Variants in ATP6V0E1 observed in about 807,000 individuals in gnomAD.
The protein encoded by ATP6V0E1 is ATPase H+ transporting V0 subunit e1.
ATP6V0E1 carries 4 observed loss-of-function variants against 11.6 expected under a neutral mutation model. The ratio of observed to expected loss-of-function variants is 0.35; its 90% CI spans 0.17 to 0.79. ATP6V0E1 has a LOEUF of 0.79. Ranked by LOEUF, ATP6V0E1 falls within the 30% of genes least tolerant of loss-of-function variation. The pLI is 0.54. For synonymous variants in ATP6V0E1, 36 were observed against 34.8 expected (o/e 1.04, Z -0.13); for missense variants, 105 against 100.0 (o/e 1.05, Z -0.21).
intron 3 of ATP6V0E1, among the ~76,000 whole-genome samples, chr5:173,021,478 T>C (rs1215037766): frequency 2.0e-5 from 3 of 152,238 alleles, no homozygotes; most frequent in African/African-American, 4.8e-5. Context: ...ACTTATTCAC[T>C]ACCATGAGAA....
intron 2 of ATP6V0E1, among the ~76,000 whole-genome samples, chr5:173,006,098 G>A (rs1005645194): frequency 6.6e-6 from 1 of 152,088 alleles, no homozygotes; most frequent in Non-Finnish European, 1.5e-5. Context: ...ATCAGGTCAA[G>A]ATGGTTCAAA....
chr5:173,032,224 A>G (rs1481211791), intron 3 of ATP6V0E1, among the ~76,000 whole-genome samples: 1 of 120,860 alleles, frequency 8.3e-6, no homozygotes, highest in Non-Finnish European at 1.7e-5. Context: ...GCCATGTAAC[A>G]TAATGCACAT....
In ATP6V0E1 at chr5:172,990,617, G is replaced by A. The variant is rs533437429; in HGVS notation, c.105-4158G>A. 9.9e-5 allele frequency among the ~76,000 whole-genome samples: 15 copies of A among 151,780 alleles called. No homozygotes were observed. The East Asian group carries it at 2.1e-3, about 22-fold the overall frequency. On this transcript the variant is annotated intron_variant, in intron 1 of 3. Coordinates refer to ENST00000519374, the MANE Select transcript of ATP6V0E1 (RefSeq NM_003945.4). ...GCTGAGGTGGGTGGATCACTTGGTC[G>A]GGAGTTCAAGACCAGCCTGGCCAAC... is the stretch of plus-strand genomic sequence containing the variant.
rs572693726 is a variant in ATP6V0E1 at position 173,009,729 on chromosome 5, G to A, written c.153-10509G>A. Among the ~76,000 whole-genome samples, 20 of 150,238 alleles carry A rather than the reference G, an allele frequency of 1.3e-4. No individual in the cohort carries two copies. In the East Asian group the frequency reaches 3.1e-3, roughly 23 times the overall value. On this transcript the variant is annotated intron_variant, in intron 2 of 3. Coordinates refer to ENST00000519374, the MANE Select transcript of ATP6V0E1 (RefSeq NM_003945.4). ...TCCACCCACCTTGGCCTCCCAAAGTGCTGGGATTACAGGCGTGAGCCACTG... is the reference window on the plus strand; with the variant it reads ...TCCACCCACCTTGGCCTCCCAAAGTACTGGGATTACAGGCGTGAGCCACTG...
intron 2 of ATP6V0E1, among the ~76,000 whole-genome samples, chr5:173,018,393 A>G (rs1166344280): frequency 6.6e-6 from 1 of 152,146 alleles, no homozygotes; most frequent in Non-Finnish European, 1.5e-5. Flanking sequence ...CTGCTGTCTC[A>G]GGTGTGGTAG....
At chr5:173,001,231 C>A (rs1249078675) in intron 2 of ATP6V0E1, among the ~76,000 whole-genome samples, 3 of 152,054 alleles carry the variant, frequency 2.0e-5, no homozygotes, top group Non-Finnish European at 4.4e-5. Context: ...AAGTAGACAA[C>A]CCCCTGTCCT....
At chr5:172,988,744 G>A (rs934511320) in intron 1 of ATP6V0E1, among the ~76,000 whole-genome samples, 1 of 152,030 alleles carries the variant, frequency 6.6e-6, no homozygotes, top group Admixed American at 6.6e-5. Context: ...TCTGGAGTGT[G>A]GTGGCACAAT....
At chr5:173,005,010 TTGTC>T (rs1756208611) in intron 2 of ATP6V0E1, among the ~76,000 whole-genome samples, 1 of 152,188 alleles carries the variant, frequency 6.6e-6, no homozygotes, top group African/African-American at 2.4e-5. Flanking sequence ...ATTGATCTCT[TTGTC>T]TGGCCTTATG....
chr5:172,995,255 C>T (rs1469499894), intron 2 of ATP6V0E1, among the ~76,000 whole-genome samples: 1 of 152,138 alleles, frequency 6.6e-6, no homozygotes, highest in Non-Finnish European at 1.5e-5. Context: ...AGGCACACGC[C>T]GCCATGCATG....
chr5:173,023,847 AAAAC>A (rs1219394547), intron 3 of ATP6V0E1, among the ~76,000 whole-genome samples: 1 of 151,518 alleles, frequency 6.6e-6, no homozygotes, highest in Non-Finnish European at 1.5e-5. Context: ...TCTGTCTCAA[AAAAC>A]AAACAAACAA....
At chr5:173,018,044 A>G (rs1436170283) in intron 2 of ATP6V0E1, among the ~76,000 whole-genome samples, 1 of 151,984 alleles carries the variant, frequency 6.6e-6, no homozygotes, top group Non-Finnish European at 1.5e-5. Context: ...TACACAGTTG[A>G]CCTTTGAATA....
chr5:173,000,647 G>A (rs2431214), intron 2 of ATP6V0E1, among the ~76,000 whole-genome samples: 23,406 of 151,744 alleles, frequency 0.15, 2,582 homozygotes, highest in African/African-American at 0.31. Flanking sequence ...GTAAGATGCT[G>A]TGTGTGAAAA....
rs78823582 is a variant in ATP6V0E1, at chr5:172,991,593, G to C, written c.105-3182G>C. ...ATGAAGGACTGATGTTTGCACGTAG[G>C]GGGAGGTGAGAAGGATGGGTGGAGG... On this transcript the variant is annotated intron_variant, in intron 1 of 3. Transcript: ENST00000519374. Among the ~76,000 whole-genome samples the C allele has an allele frequency of 9.3e-3, 1,423 of 152,214 alleles. 23 individuals are homozygous for C. The highest frequency in any genetic ancestry group is 0.032 in the African/African-American group (1,345 of 41,516).
At chr5:173,012,450 A>G (rs1006169415) in intron 2 of ATP6V0E1, among the ~76,000 whole-genome samples, 3 of 151,900 alleles carry the variant, frequency 2.0e-5, no homozygotes, top group African/African-American at 7.3e-5. Context: ...TCAACTCAGG[A>G]TGGGTTAAAG....
At chr5:173,031,833 A>G (rs2113618091) in intron 3 of ATP6V0E1, among the ~76,000 whole-genome samples, 1 of 151,434 alleles carries the variant, frequency 6.6e-6, no homozygotes, top group East Asian at 2.0e-4. Flanking sequence ...AAAAAAAAAA[A>G]AAAAAGCTTC....
chr5:172,991,897 C>A (rs1755983313), intron 1 of ATP6V0E1, among the ~76,000 whole-genome samples: 1 of 152,104 alleles, frequency 6.6e-6, no homozygotes. Flanking sequence ...CAGAGAGATC[C>A]CTTAGAATTG....
chr5:172,984,108 A>T lies in ATP6V0E1; in HGVS notation c.104+144A>T, dbSNP rs1188501194. The stretch of plus-strand genomic sequence containing the variant: ...CAGAGTCAGGCCCCCGACCCGGCGG[A>T]ACTCCTTGTGTTCCTTTTCGCAGCA... On this transcript the variant is annotated intron_variant, in intron 1 of 3. Coordinates refer to ENST00000519374, the MANE Select transcript of ATP6V0E1 (RefSeq NM_003945.4). 4 of 767,186 alleles carry T rather than the reference A, an allele frequency of 5.2e-6. No homozygotes were observed. The East Asian group carries it at 7.6e-5, about 15-fold the overall frequency. 47.5% of individuals were successfully genotyped at this position (767,186 alleles called of 1,614,324 possible). A position where few individuals can be genotyped will look rare whatever the true frequency, so the allele number is the denominator to read the frequency against.
chr5:172,990,235 C>T (rs1292265218), intron 1 of ATP6V0E1, among the ~76,000 whole-genome samples: 1 of 152,074 alleles, frequency 6.6e-6, no homozygotes, highest in Non-Finnish European at 1.5e-5. Context: ...TAAATAAAGC[C>T]CCTGGCTCTT....
chr5:173,024,071 G>A (rs1484584602), intron 3 of ATP6V0E1, among the ~76,000 whole-genome samples: 2 of 151,568 alleles, frequency 1.3e-5, no homozygotes, highest in African/African-American at 2.4e-5. Flanking sequence ...GGTGGTGGGC[G>A]CCTGTAGTCC....
Sources: gnomAD v4.1 joint callset for allele counts (sites outside exome capture counted in the v4.1 genomes callset) on GRCh38, gnomAD v4.1.1 for gene constraint, MANE v1.5 for transcripts, NCBI Gene and HGNC (gene_info 2026-07-23, HGNC 2026-07-21) for gene names.